Variants in RYR1 observed in about 807,000 individuals in gnomAD.
RYR1 encodes the protein central core disease of muscle.
In RYR1, 342 loss-of-function variants were observed where a neutral mutation model predicts 583.5. The ratio of observed to expected loss-of-function variants is 0.59; its 90% CI spans 0.54 to 0.64. The LOEUF (loss-of-function observed/expected upper bound fraction) is 0.64. Among genes scored for constraint, RYR1 ranks in the 30% least tolerant of loss-of-function variants. The pLI is 0.00. For missense variants in RYR1, 6,032 were observed against 6,917.2 expected (o/e 0.87, Z 4.54); for synonymous variants, 2,791 against 2,822.5 (o/e 0.99, Z 0.35).
chr19:38,455,576 G>A (rs748147152), intron 15 of RYR1, 30 bp downstream of exon 15: 36 of 1,611,636 alleles, frequency 2.2e-5, no homozygotes, highest in Admixed American at 1.3e-4. Flanking sequence ...TGGGACAGAG[G>A]CTTGTGGGAG....
chr19:38,466,839 G>C (rs1035219564), intron 24 of RYR1, among the ~76,000 whole-genome samples: 3 of 152,064 alleles, frequency 2.0e-5, no homozygotes, highest in Non-Finnish European at 4.4e-5. Flanking sequence ...AGACTGACCA[G>C]GAGGTCAGAA....
At chr19:38,463,722 G>A in intron 21 of RYR1, 25 bp from the exon 22 acceptor site, 1 of 1,603,936 alleles carries the variant, frequency 6.2e-7, no homozygotes. Context: ...GGGAGCACAT[G>A]GAGTTGACCC....
chr19:38,580,256 G>T lies in RYR1; in HGVS notation c.14512-114G>T, dbSNP rs184323126. On this transcript the variant is annotated intron_variant, in intron 100 of 105. Coordinates refer to ENST00000359596, the MANE Select transcript of RYR1 (RefSeq NM_000540.3). ...GCCAGGTGCGCTGAGCCGGGGGTGT[G>T]TGGGGCAGCAAGGTAGAGCCACAGG... The T allele has an allele frequency of 8.3e-5, 132 of 1,589,258 alleles. No individual in the cohort carries two copies. The African/African-American group carries it at 1.5e-3, about 18-fold the overall frequency.
At chr19:38,497,932 A>T (rs981290217) in intron 42 of RYR1, among the ~76,000 whole-genome samples, 5 of 152,014 alleles carry the variant, frequency 3.3e-5, no homozygotes, top group Admixed American at 2.6e-4. Context: ...CTATGGTCAC[A>T]CCACTGCACT....
chr19:38,515,162 G>T, intron 64 of RYR1, 55 bp downstream of exon 64: 1 of 1,170,214 alleles, frequency 8.5e-7, no homozygotes, highest in Non-Finnish European at 1.3e-6. Flanking sequence ...GGAAGGGAGG[G>T]AGCAGGGGAA....
intron 100 of RYR1, 82 bp downstream of exon 100, chr19:38,580,210 G>C: frequency 1.2e-6 from 2 of 1,606,288 alleles, no homozygotes; most frequent in Non-Finnish European, 1.7e-6. Context: ...GGGCCGGGCA[G>C]CTGGGCTGAG....
chr19:38,543,543 C>T lies in RYR1; in HGVS notation c.11790C>T (p.Ser3930=), dbSNP rs1277496528. The T allele has an allele frequency of 1.2e-6, 2 of 1,614,082 alleles. No homozygotes were observed. The highest frequency in any genetic ancestry group is 2.2e-5 in the East Asian group (1 of 44,890). ...CCCGCCCCCACCAGGAATCCATCAG[C>T]GACTTCTACTGGTACTACTCGGGCA... ...DYLLRLQESI[S]DFYWYYSGKD... Residue 3930 remains serine, a synonymous_variant, in exon 86 of 106, where the codon AGC becomes AGT. Transcript: ENST00000359596. The surrounding 1 kb of genome is among the most constrained non-coding windows in gnomAD (Gnocchi z 4.4).
chr19:38,564,308 G>A (rs1973286155), intron 90 of RYR1, among the ~76,000 whole-genome samples: 2 of 152,192 alleles, frequency 1.3e-5, no homozygotes, highest in South Asian at 4.1e-4. Flanking sequence ...CAGATCACTT[G>A]AGGCCAGGAG....
chr19:38,499,142 G>A lies in RYR1; in HGVS notation c.6926G>A (p.Ser2309Asn), dbSNP rs2145597847. Residue 2309 changes from serine to asparagine, a missense_variant, in exon 43 of 106, where the codon AGC becomes AAC. Physicochemically the swap from Ser to Asn is conservative, Grantham distance 46 (BLOSUM62 1). Coordinates refer to ENST00000359596, the MANE Select transcript of RYR1 (RefSeq NM_000540.3). The surrounding 1 kb of genome is among the most constrained non-coding windows in gnomAD (Gnocchi z 7.3). ...VSYLAGCGLQ[S>N]CPMLVAKGYP... ...TACCTGGCAGGCTGTGGCCTCCAGA[G>A]CTGCCCCATGCTTGTGGCCAAAGGG... 2 of 1,614,194 alleles carry A rather than the reference G, an allele frequency of 1.2e-6. No individual in the cohort carries two copies. The highest frequency in any genetic ancestry group is 3.3e-5 in the Admixed American group (2 of 60,022).
At chr19:38,466,450 C>G in intron 24 of RYR1, 52 bp downstream of exon 24, 1 of 1,505,890 alleles carries the variant, frequency 6.6e-7, no homozygotes, top group Non-Finnish European at 8.9e-7. Context: ...ACTCTGACCC[C>G]AGCCCCGATC....
Position 38,565,003 on chromosome 19 carries a change from G to T in RYR1, c.12669G>T (p.Glu4223Asp). Residue 4223 changes from glutamate to aspartate, a missense_variant, in exon 91 of 106, where the codon GAG (glutamate) becomes GAT (aspartate). Physicochemically the swap from Glu to Asp is conservative, Grantham distance 45. Around this residue, in one of 11 missense-constraint regions of RYR1, gnomAD observed 753 missense variants for 759.6 expected, o/e 0.99. Coordinates refer to ENST00000359596, the MANE Select transcript of RYR1 (RefSeq NM_000540.3). This position sits in a 1 kb window ranked among gnomAD's most constrained non-coding sequence, Gnocchi z 4.7. Reference protein sequence around the residue: ...KRQFIFDVVNEGGEAEKMELF... With the variant: ...KRQFIFDVVNDGGEAEKMELF... ...AGTTCATCTTCGACGTGGTGAACGAGGGCGGCGAGGCTGAGAAGATGGAGC... is the reference window on the plus strand; with the variant it reads ...AGTTCATCTTCGACGTGGTGAACGATGGCGGCGAGGCTGAGAAGATGGAGC... 1.3e-6 allele frequency: 2 copies of T among 1,593,066 alleles called. No individual in the cohort carries two copies. Among genetic ancestry groups the T allele is most frequent in the East Asian group, 2.3e-5 (1 of 44,098 alleles).
chr19:38,528,602 C>G lies in RYR1; in HGVS notation c.10941C>G (p.His3647Gln), dbSNP rs114351116. ...RMTPLYNLPTHRACNMFLESY... is the reference protein window; with the variant it reads ...RMTPLYNLPTQRACNMFLESY... ...ACGTCACACCTCTCCCCTGCAGGCACCGGGCATGTAACATGTTCCTGGAGA... is the reference window on the plus strand; with the variant it reads ...ACGTCACACCTCTCCCCTGCAGGCAGCGGGCATGTAACATGTTCCTGGAGA... The change falls in exon 75 of 106, where the codon CAC becomes CAG. Residue 3647 changes from histidine to glutamine, a missense_variant. His to Gln is a conservative substitution (Grantham distance 24, BLOSUM62 0). Around this residue, in one of 11 missense-constraint regions of RYR1, gnomAD observed 1,493 missense variants for 1,715.5 expected, o/e 0.87. Transcript: ENST00000359596. The G allele has an allele frequency of 6.0e-4, 972 of 1,614,130 alleles. 3 individuals carry two copies. The African/African-American group carries it at 0.012, about 20-fold the overall frequency.
At chr19:38,460,653 G>C (rs1000901493) in intron 20 of RYR1, 62 bp downstream of exon 20, 1 of 1,472,074 alleles carries the variant, frequency 6.8e-7, no homozygotes, top group African/African-American at 1.4e-5. Context: ...CAGAGAGGGG[G>C]CAGGGTGCCA....
Position 38,572,061 on chromosome 19 carries a change from G to C in RYR1, c.13789G>C (p.Ala4597Pro), listed in dbSNP as rs1568593573. 1 of 1,614,160 alleles carries C rather than the reference G, an allele frequency of 6.2e-7. No individual in the cohort carries two copies. The highest frequency in any genetic ancestry group is 8.5e-7 in the Non-Finnish European group (1 of 1,180,040). The change falls in exon 95 of 106, where the codon GCT (alanine) becomes CCT (proline). Residue 4597 changes from alanine to proline, a missense_variant. Physicochemically the swap from Ala to Pro is conservative, Grantham distance 27 (BLOSUM62 -1). Transcript: ENST00000359596. ...PPGEDDMEGS[A>P]AGDVSGAGSG... ...AGGGGAGGACGACATGGAAGGCTCA[G>C]CTGCTGGGGATGTGTCAGGTGCAGG...
rs755875230 is a variant in RYR1, at chr19:38,448,674, G to A, written c.983G>A (p.Arg328Gln). ...SKEKLDVAPK[R>Q]DVEGMGPPEI... ...GAGAAGCTGGATGTGGCCCCCAAGC[G>A]GGATGTGGAGGGCATGGGCCCCCCT... is the stretch of plus-strand genomic sequence containing the variant. The change falls in exon 11 of 106, where the codon CGG becomes CAG. Residue 328 changes from arginine (R) to glutamine (Q), a missense_variant. Around this residue, in one of 11 missense-constraint regions of RYR1, gnomAD observed 338 missense variants for 441.6 expected, o/e 0.77. Transcript: ENST00000359596. 3.7e-6 allele frequency: 6 copies of A among 1,614,242 alleles called. No homozygotes were observed. The highest frequency in any genetic ancestry group is 2.2e-5 in the East Asian group (1 of 44,886).
In RYR1 at chr19:38,444,781, A is replaced by G; in HGVS notation, c.631+104A>G. On this transcript the variant is annotated intron_variant, in intron 7 of 105. Transcript: ENST00000359596. This position sits in a 1 kb window ranked among gnomAD's most constrained non-coding sequence, Gnocchi z 5.1. The stretch of plus-strand genomic sequence containing the variant: ...TGGAGCCTTGGAACCTCAGACCTCA[A>G]ACCTAGATCTCCAAATTATGGCTCT... 1.2e-6 allele frequency: 1 copy of G among 846,790 alleles called. No individual in the cohort carries two copies. Among genetic ancestry groups the G allele is most frequent in the Non-Finnish European group, 2.0e-6 (1 of 512,718 alleles). 52.5% of individuals were successfully genotyped at this position (846,790 alleles called of 1,614,324 possible). A position where few individuals can be genotyped will look rare whatever the true frequency, so the allele number is the denominator to read the frequency against.
chr19:38,537,876 C>T lies in RYR1; in HGVS notation c.11609-4C>T. 6.2e-7 allele frequency: 1 copy of T among 1,613,880 alleles called. No homozygotes were observed. Among genetic ancestry groups the T allele is most frequent in the Non-Finnish European group, 8.5e-7 (1 of 1,179,976 alleles). ...CTGGGCCCTGTCCCCTCCCTTCCAC[C>T]TAGGAGAGAAGGTCATGGCGGATGA... On this transcript the variant is annotated splice_polypyrimidine_tract_variant and splice_region_variant and intron_variant, in intron 83 of 105. Transcript: ENST00000359596.
At position 38,499,568 on chromosome 19, in the gene RYR1, CTGGGGCTGCA is replaced by C; in HGVS notation, c.7028-61_7028-52del. 1 of 1,561,282 alleles carries C rather than the reference CTGGGGCTGCA, an allele frequency of 6.4e-7. No individual in the cohort carries two copies. ...GTGTTACCCCTGGAGGTGTTGGGTC[CTGGGGCTGCA>C]TGGGGAGGTCTCTGATGGTGGCTCA... is the stretch of plus-strand genomic sequence containing the variant. On this transcript the variant is annotated intron_variant, in intron 43 of 105. Transcript: ENST00000359596. This position sits in a 1 kb window ranked among gnomAD's most constrained non-coding sequence, Gnocchi z 7.3.
intron 100 of RYR1, 93 bp from the exon 101 acceptor site, chr19:38,580,277 A>G: frequency 1.0e-5 from 16 of 1,546,644 alleles, no homozygotes; most frequent in Non-Finnish European, 1.4e-5. Flanking sequence ...AGGTAGAGCC[A>G]CAGGGACTGA....
Sources: allele counts gnomAD v4.1 joint callset (sites outside exome capture counted in the v4.1 genomes callset), GRCh38; gene constraint gnomAD v4.1.1; regional missense constraint gnomAD v4.1.1; non-coding constraint Gnocchi (gnomAD v3.1); transcripts MANE v1.5; gene names NCBI Gene and HGNC (gene_info 2026-07-23, HGNC 2026-07-21).